The following RBFOX3 variants were observed in gnomAD, a reference collection of about 807,000 sequenced individuals.
The protein encoded by RBFOX3 is RNA binding fox-1 homolog 3.
A neutral mutation model predicts 48.7 loss-of-function variants in RBFOX3; 17 were observed. That is an observed-to-expected ratio of 0.35 (90% CI 0.24 to 0.52). RBFOX3 has a LOEUF of 0.52. Ranked by LOEUF, RBFOX3 falls within the 20% of genes least tolerant of loss-of-function variation. The pLI, the probability that RBFOX3 is intolerant of heterozygous loss-of-function variation, is 0.94. For missense variants in RBFOX3, 382 were observed against 497.5 expected, an observed-to-expected ratio of 0.77 and a Z score of 2.21; for synonymous variants, 212 against 209.5, an observed-to-expected ratio of 1.01 and a Z score of -0.10.
chr17:79,265,131 C>T (rs922535101), intron 3 of RBFOX3, among the ~76,000 whole-genome samples: 12 of 152,204 alleles, frequency 7.9e-5, no homozygotes, highest in East Asian at 1.9e-4. Flanking sequence ...TCCAGCCCCC[C>T]GTTCCAAAGG....
chr17:79,136,916 A>G (rs1342182119), intron 4 of RBFOX3, among the ~76,000 whole-genome samples: 1 of 151,982 alleles, frequency 6.6e-6, no homozygotes, highest in Non-Finnish European at 1.5e-5. Context: ...GACGATTCAC[A>G]CTCGCTCTAA....
chr17:79,213,369 TGTCTTCACCAGCA>T (rs1322868236), intron 4 of RBFOX3, among the ~76,000 whole-genome samples: 1 of 152,170 alleles, frequency 6.6e-6, no homozygotes, highest in Admixed American at 6.5e-5. Context: ...AGGGAAGCTG[TGTCTTCACCAGCA>T]GTCCAGGCCT....
At chr17:79,356,293 A>C (rs184786553) in intron 2 of RBFOX3, among the ~76,000 whole-genome samples, 315 of 146,094 alleles carry the variant, frequency 2.2e-3, no homozygotes, top group African/African-American at 7.5e-3. Flanking sequence ...CACCTGGGCA[A>C]TGCCAAGGTA....
At chr17:79,293,463 C>G (rs907364517) in intron 3 of RBFOX3, among the ~76,000 whole-genome samples, 2 of 102,100 alleles carry the variant, frequency 2.0e-5, no homozygotes, top group African/African-American at 9.0e-5. Context: ...TTCCTTCCTT[C>G]CTTCCCTTCC....
intron 1 of RBFOX3, among the ~76,000 whole-genome samples, chr17:79,509,378 A>G (rs2083730588): frequency 6.6e-6 from 1 of 152,108 alleles, no homozygotes; most frequent in Non-Finnish European, 1.5e-5. Flanking sequence ...CCCAGAGCAC[A>G]TAGCTCAGCA....
chr17:79,328,521 A>G (rs1222208061), intron 2 of RBFOX3, among the ~76,000 whole-genome samples: 1 of 152,158 alleles, frequency 6.6e-6, no homozygotes, highest in Non-Finnish European at 1.5e-5. Context: ...ATTTGATTCA[A>G]TGGAAATGGC....
At chr17:79,262,781 AG>A (rs1302648645) in intron 3 of RBFOX3, among the ~76,000 whole-genome samples, 1 of 152,276 alleles carries the variant, frequency 6.6e-6, no homozygotes, top group Non-Finnish European at 1.5e-5. Flanking sequence ...CAATAGTATC[AG>A]CTGCTCCCTG....
At chr17:79,265,590 C>T (rs981228364) in intron 3 of RBFOX3, among the ~76,000 whole-genome samples, 9 of 152,220 alleles carry the variant, frequency 5.9e-5, no homozygotes, top group African/African-American at 1.9e-4. Flanking sequence ...GACCTTATTA[C>T]CCCTGGGCAC....
At chr17:79,469,336 G>A (rs1387893647) in intron 2 of RBFOX3, among the ~76,000 whole-genome samples, 3 of 152,222 alleles carry the variant, frequency 2.0e-5, no homozygotes, top group Non-Finnish European at 2.9e-5. Context: ...CCCTGCAGCA[G>A]CACTGGGGCC....
chr17:79,514,752 G>A (rs2085003621), intron 1 of RBFOX3, among the ~76,000 whole-genome samples: 1 of 152,176 alleles, frequency 6.6e-6, no homozygotes. Context: ...GGATCCACTG[G>A]ACCCTGGAGC....
the RBFOX3 span, among the ~76,000 whole-genome samples, chr17:79,625,614 A>T: frequency 6.6e-6 from 1 of 152,182 alleles, no homozygotes; most frequent in Admixed American, 6.5e-5. Flanking sequence ...CAACATGGTG[A>T]AATCCCATCT....
chr17:79,608,667 T>C (rs1413429216), intron 1 of RBFOX3, among the ~76,000 whole-genome samples: 5 of 152,030 alleles, frequency 3.3e-5, no homozygotes, highest in African/African-American at 1.2e-4. Context: ...CCTTCAGTGG[T>C]CCCCACGTCA....
At chr17:79,350,235 G>A (rs1291019018) in intron 2 of RBFOX3, among the ~76,000 whole-genome samples, 3 of 152,152 alleles carry the variant, frequency 2.0e-5, no homozygotes, top group Non-Finnish European at 4.4e-5. Context: ...GGCCGGCTCT[G>A]CGCCCCATCC....
At chr17:79,119,776 T>C (rs1368776727) in intron 4 of RBFOX3, among the ~76,000 whole-genome samples, 1 of 152,184 alleles carries the variant, frequency 6.6e-6, no homozygotes, top group Admixed American at 6.5e-5. Context: ...ACAGCTGTGC[T>C]GGTGTGGCTG....
At chr17:79,653,801 G>C in the RBFOX3 span, among the ~76,000 whole-genome samples, 1 of 149,102 alleles carries the variant, frequency 6.7e-6, no homozygotes, top group Admixed American at 6.6e-5. Context: ...CCAGCACTTT[G>C]GGAGGCTGAG....
At chr17:79,514,599 G>A (rs1444741265) in intron 1 of RBFOX3, among the ~76,000 whole-genome samples, 1 of 152,154 alleles carries the variant, frequency 6.6e-6, no homozygotes, top group African/African-American at 2.4e-5. Context: ...GACAGGCTCT[G>A]GGGCCACAGG....
rs566003626 is a variant in RBFOX3, at chr17:79,388,896, G to A, written c.-174-81072C>T. Among the ~76,000 whole-genome samples the A allele has an allele frequency of 5.3e-5, 8 of 152,318 alleles. No homozygotes were observed. In the South Asian group the frequency reaches 1.0e-3, roughly 20 times the overall value. ...TCACCGATCACCATCCTCTCCCAGC[G>A]GCAGGGAACAGATTCCCTTAACTCC... On this transcript the variant is annotated intron_variant, in intron 2 of 14. Coordinates refer to ENST00000693108, the MANE Select transcript of RBFOX3 (RefSeq NM_001350451.2).
chr17:79,101,617 T>C lies in RBFOX3; in HGVS notation c.535A>G (p.Thr179Ala), dbSNP rs2076450710. ...EVNNATARVM[T>A]NKKTGNPYTN... ...TAGGGGTTCCCCGTCTTCTTGTTGG[T>C]CATCACTCGGGCCGTGGCATTATTG... The change falls in exon 9 of 15, where the codon ACC (threonine) becomes GCC (alanine). Residue 179 changes from threonine (T) to alanine (A), a missense_variant. Physicochemically the swap from Thr to Ala is moderately conservative, Grantham distance 58. Transcript: ENST00000693108. The C allele has an allele frequency of 6.4e-7, 1 of 1,551,198 alleles. No homozygotes were observed. Among genetic ancestry groups the C allele is most frequent in the African/African-American group, 1.4e-5 (1 of 73,136 alleles).
chr17:79,381,895 C>G (rs2059971052), intron 2 of RBFOX3, among the ~76,000 whole-genome samples: 1 of 152,160 alleles, frequency 6.6e-6, no homozygotes, highest in Non-Finnish European at 1.5e-5. Flanking sequence ...CAGCGGGGCC[C>G]AGGGGTGCAC....
Sources: gnomAD v4.1 joint callset for allele counts (sites outside exome capture counted in the v4.1 genomes callset) on GRCh38, gnomAD v4.1.1 for gene constraint, MANE v1.5 for transcripts, NCBI Gene and HGNC (gene_info 2026-07-23, HGNC 2026-07-21) for gene names.